Variants in NRDC observed in about 807,000 individuals in gnomAD.
NRDC encodes nardilysin convertase, also known as nardilysin.
NRDC carries 54 observed loss-of-function variants against 147.1 expected under a neutral mutation model. The ratio of observed to expected loss-of-function variants is 0.37; its 90% CI spans 0.29 to 0.46. The LOEUF (loss-of-function observed/expected upper bound fraction) is 0.46, where lower values mean the gene tolerates loss of function less well. Ranked by LOEUF, NRDC falls within the 20% of genes least tolerant of loss-of-function variation. NRDC has a pLI of 1.00. For missense variants in NRDC, 1,082 were observed against 1,370.6 expected, an observed-to-expected ratio of 0.79 and a Z score of 3.33; for synonymous variants, 440 against 482.1, an observed-to-expected ratio of 0.91 and a Z score of 1.14.
At position 51,796,821 on chromosome 1, in the gene NRDC, T is replaced by C. The variant is rs867800599; in HGVS notation, c.2604+1428A>G. ...CAGGTTGGTCTCGATCTCTTGACCTTGTGATCCGCCCACCTCGGCCTCCCA... is the reference window on the plus strand; with the variant it reads ...CAGGTTGGTCTCGATCTCTTGACCTCGTGATCCGCCCACCTCGGCCTCCCA... On this transcript the variant is annotated intron_variant, in intron 22 of 30. Coordinates refer to ENST00000352171, the MANE Select transcript of NRDC (RefSeq NM_001101662.2). 4.3e-4 allele frequency among the ~76,000 whole-genome samples: 62 copies of C among 142,752 alleles called. 1 individual carries two copies. The highest frequency in any genetic ancestry group is 1.5e-3 in the African/African-American group (58 of 38,770). The allele number at this position is 142,752 out of a possible 152,430, so 93.7% of individuals were successfully genotyped here.
chr1:51,873,731 G>T (rs940695796), intron 1 of NRDC, among the ~76,000 whole-genome samples: 1 of 151,256 alleles, frequency 6.6e-6, no homozygotes, highest in African/African-American at 2.4e-5. Context: ...GGCTGGTCTT[G>T]AACTCCTGAC....
chr1:51,834,121 G>C lies in NRDC; in HGVS notation c.762C>G (p.Ala254=), dbSNP rs755055611. 3.1e-6 allele frequency: 5 copies of C among 1,613,928 alleles called. No individual in the cohort carries two copies. Among genetic ancestry groups the C allele is most frequent in the Non-Finnish European group, 3.4e-6 (4 of 1,179,956 alleles). ...CACTACCCCCATGCTTCTTCAGGAA[G>C]GCATCAAATCCATTCTCATCTGGAT... ...LKYPDENGFD[A]FLKKHGGSDN... is the part of the protein sequence containing the mutation. The change falls in exon 4 of 31, where the codon GCC becomes GCG. Residue 254 remains alanine, a synonymous_variant. Coordinates refer to ENST00000352171, the MANE Select transcript of NRDC (RefSeq NM_001101662.2).
intron 19 of NRDC, 91 bp downstream of exon 19, chr1:51,805,419 T>TC (rs1679417222): frequency 1.0e-6 from 1 of 998,300 alleles, no homozygotes; most frequent in Non-Finnish European, 1.5e-6. Flanking sequence ...CAAATATGGA[T>TC]AGAGAAAATG....
At position 51,814,581 on chromosome 1, in the gene NRDC, T is replaced by G. The variant is rs1298451569; in HGVS notation, c.1589A>C (p.Lys530Thr). The change falls in exon 13 of 31, where the codon AAA becomes ACA. Residue 530 changes from lysine (K) to threonine (T), a missense_variant. By Grantham distance (78) the Lys-to-Thr change is moderately conservative. Coordinates refer to ENST00000352171, the MANE Select transcript of NRDC (RefSeq NM_001101662.2). ...EVAYTVFQYL[K>T]MLQKLGPEKR... is the part of the protein sequence containing the mutation. ...TTCTGGGCCTAGCTTCTGCAGCATT[T>G]TTAAATACTGAAAGACAGTGTAAGC... 3 of 1,613,646 alleles carry G rather than the reference T, an allele frequency of 1.9e-6. No individual in the cohort carries two copies. The highest frequency in any genetic ancestry group is 2.5e-6 in the Non-Finnish European group (3 of 1,179,626).
rs527906114 is a variant in NRDC, at chr1:51,846,613, G to A, written c.342-6099C>T. ...TTCCTGCCTGTGGGTTCGTACTCTC[G>A]CTGGCTTCAGGAGTGAAGCTGCAGA... is the stretch of plus-strand genomic sequence containing the variant. On this transcript the variant is annotated intron_variant, in intron 1 of 30. Transcript: ENST00000352171. 5.3e-5 allele frequency among the ~76,000 whole-genome samples: 8 copies of A among 152,286 alleles called. No homozygotes were observed. The South Asian group carries it at 8.3e-4, about 16-fold the overall frequency.
chr1:51,855,829 C>T (rs914788377), intron 1 of NRDC, among the ~76,000 whole-genome samples: 1 of 151,722 alleles, frequency 6.6e-6, no homozygotes, highest in African/African-American at 2.4e-5. Flanking sequence ...GCCAAGATTG[C>T]GCCATGGCAC....
intron 1 of NRDC, among the ~76,000 whole-genome samples, chr1:51,870,851 T>A (rs1485263135): frequency 1.3e-5 from 2 of 152,106 alleles, no homozygotes; most frequent in Non-Finnish European, 2.9e-5. Flanking sequence ...AATCTATTAC[T>A]GTCTGTATCT....
intron 11 of NRDC, among the ~76,000 whole-genome samples, chr1:51,815,182 C>CTTTT (rs869244434): frequency 8.0e-6 from 1 of 125,558 alleles, no homozygotes; most frequent in Non-Finnish European, 1.7e-5. Flanking sequence ...ACCTTTTTTT[C>CTTTT]TTTTTTTTTT....
rs1332551025 is a variant in NRDC, at chr1:51,800,621, T to G, written c.2376A>C (p.Thr792=). 6.2e-7 allele frequency: 1 copy of G among 1,614,068 alleles called. No homozygotes were observed. The highest frequency in any genetic ancestry group is 8.5e-7 in the Non-Finnish European group (1 of 1,179,940). ...AEFNSTPAVF[T]MITEQLKKTY... ...TCTTCTTCAACTGCTCAGTTATCAT[T>G]GTAAAGACAGCTGGTGTGGAATTGA... Residue 792 remains threonine (T), a synonymous_variant, in exon 21 of 31, where the codon ACA becomes ACC. Coordinates refer to ENST00000352171, the MANE Select transcript of NRDC (RefSeq NM_001101662.2).
At chr1:51,825,178 A>C (rs1680390067) in intron 6 of NRDC, 109 bp downstream of exon 6, 1 of 739,908 alleles carries the variant, frequency 1.4e-6, no homozygotes, top group Non-Finnish European at 2.2e-6. Flanking sequence ...CTAAAAGGTA[A>C]AAGGTACCTA....
At chr1:51,849,617 C>A (rs544458857) in intron 1 of NRDC, among the ~76,000 whole-genome samples, 1 of 151,708 alleles carries the variant, frequency 6.6e-6, no homozygotes, top group East Asian at 2.0e-4. Flanking sequence ...GAAATCAAGA[C>A]CATCCTGGCT....
chr1:51,873,831 C>A (rs1401920175), intron 1 of NRDC, among the ~76,000 whole-genome samples: 1 of 151,638 alleles, frequency 6.6e-6, no homozygotes, highest in African/African-American at 2.4e-5. Flanking sequence ...TTAAGATAAC[C>A]ATCTCCTCAC....
At chr1:51,791,183 C>G (rs777269838) in intron 27 of NRDC, among the ~76,000 whole-genome samples, 193 bp from the exon 28 acceptor site, 1 of 152,160 alleles carries the variant, frequency 6.6e-6, no homozygotes, top group Non-Finnish European at 1.5e-5. Flanking sequence ...AACCCTCCCC[C>G]TCACCCCACC....
At chr1:51,812,679 T>C (rs1679782833) in intron 14 of NRDC, among the ~76,000 whole-genome samples, 1 of 152,170 alleles carries the variant, frequency 6.6e-6, no homozygotes, top group Non-Finnish European at 1.5e-5. Context: ...CACTGGACTA[T>C]GAATGCCTGT....
At chr1:51,821,084 A>T (rs1192011630) in intron 8 of NRDC, among the ~76,000 whole-genome samples, 2 of 152,162 alleles carry the variant, frequency 1.3e-5, no homozygotes, top group Non-Finnish European at 2.9e-5. Flanking sequence ...TACTTCTTTT[A>T]TGGGGAAAAC....
intron 22 of NRDC, among the ~76,000 whole-genome samples, chr1:51,796,881 T>C (rs1449918933): frequency 7.0e-6 from 1 of 141,890 alleles, no homozygotes; most frequent in African/African-American, 2.5e-5. Context: ...CCACCGCGCC[T>C]GGCCAATCTC....
intron 3 of NRDC, among the ~76,000 whole-genome samples, chr1:51,835,431 C>T (rs1043283469): frequency 1.3e-5 from 2 of 149,774 alleles, no homozygotes; most frequent in Admixed American, 6.7e-5. Context: ...TTATATTAAT[C>T]ATGCCTTTTG....
At chr1:51,829,773 A>T (rs1276062499) in intron 4 of NRDC, among the ~76,000 whole-genome samples, 2 of 151,960 alleles carry the variant, frequency 1.3e-5, no homozygotes, top group East Asian at 3.9e-4. Flanking sequence ...ACTTGGGTTA[A>T]TTCCTTCTGT....
chr1:51,814,436 A>G (rs1571860948), intron 13 of NRDC, 115 bp downstream of exon 13: 1 of 936,586 alleles, frequency 1.1e-6, no homozygotes, highest in Non-Finnish European at 1.7e-6. Context: ...AAGGAAATAG[A>G]GCAGAAAATG....
Sources: gnomAD v4.1 joint callset for allele counts (sites outside exome capture counted in the v4.1 genomes callset) on GRCh38, gnomAD v4.1.1 for gene constraint, MANE v1.5 for transcripts, NCBI Gene and HGNC (gene_info 2026-07-23, HGNC 2026-07-21) for gene names.